SMCO2: variants seen among roughly 807,000 people sequenced by gnomAD.
The protein encoded by SMCO2 is single-pass membrane protein with coiled-coil domains 2.
In SMCO2, 25 loss-of-function variants were observed where a neutral mutation model predicts 29.5. The ratio of observed to expected loss-of-function variants is 0.85; its 90% confidence interval spans 0.62 to 1.18. The LOEUF is 1.18. SMCO2 is among the 50% of genes most tolerant of loss of function. The pLI is 0.00. For synonymous variants in SMCO2, 117 were observed against 123.3 expected (o/e 0.95, Z 0.34); for missense variants, 348 against 344.5 (o/e 1.01, Z -0.08).
In SMCO2 at chr12:27,470,774, G is replaced by T; in HGVS notation, c.134+9G>T. The T allele has an allele frequency of 6.5e-7, 1 of 1,549,620 alleles. No homozygotes were observed. On this transcript the variant is annotated intron_variant, in intron 2 of 7. Coordinates refer to ENST00000298876, the Ensembl canonical transcript of SMCO2. ...GAAGGTGCAATGCAGGAGTAAGTCA[G>T]AACTGAGCTTGCAGAAGCAGTTTCT... is the stretch of plus-strand genomic sequence containing the variant.
the SMCO2 span, among the ~76,000 whole-genome samples, chr12:27,436,632 A>T: frequency 6.6e-6 from 1 of 152,350 alleles, no homozygotes; most frequent in East Asian, 1.9e-4. Context: ...TTGACTCTGT[A>T]TGAATTTAAA....
chr12:27,462,312 C>T (rs1232897640), upstream of SMCO2, among the ~76,000 whole-genome samples: 4 of 152,138 alleles, frequency 2.6e-5, no homozygotes, highest in Non-Finnish European at 5.9e-5. Flanking sequence ...TAGGAAATGA[C>T]ACAGTTTCTC....
the SMCO2 span, among the ~76,000 whole-genome samples, chr12:27,460,921 C>A: frequency 1.4e-4 from 22 of 152,308 alleles, no homozygotes; most frequent in Admixed American, 6.5e-4. Flanking sequence ...AAGGAAGACA[C>A]GGTTTCTGTG....
chr12:27,500,495 C>T (rs549646408), intron 7 of SMCO2, among the ~76,000 whole-genome samples: 2 of 125,448 alleles, frequency 1.6e-5, no homozygotes, highest in Non-Finnish European at 3.3e-5. Context: ...TCCAAATTAT[C>T]TTTGCTTTAG....
chr12:27,488,607 C>A, intron 5 of SMCO2, 60 bp downstream of exon 6: 1 of 1,263,270 alleles, frequency 7.9e-7, no homozygotes, highest in Non-Finnish European at 1.1e-6. Context: ...TCTTTCCCTA[C>A]TACCTTTCTA....
At chr12:27,424,698 G>A in the SMCO2 span, 1 of 152,178 alleles carries the variant, frequency 6.6e-6, no homozygotes, top group Non-Finnish European at 1.5e-5. Context: ...TCATCACTGA[G>A]CCCTGGAATT....
At chr12:27,485,335 C>T (rs1193067209) in intron 4 of SMCO2, among the ~76,000 whole-genome samples, 1 of 151,848 alleles carries the variant, frequency 6.6e-6, no homozygotes, top group Non-Finnish European at 1.5e-5. Context: ...TAAATGTACT[C>T]ATGTTTTTCT....
chr12:27,460,986 T>G, the SMCO2 span, among the ~76,000 whole-genome samples: 1 of 152,216 alleles, frequency 6.6e-6, no homozygotes, highest in African/African-American at 2.4e-5. Flanking sequence ...ACTAGCTCCC[T>G]TCTGCCAGTG....
chr12:27,484,707 G>T (rs1317655365), intron 4 of SMCO2, among the ~76,000 whole-genome samples: 1 of 151,638 alleles, frequency 6.6e-6, no homozygotes, highest in Non-Finnish European at 1.5e-5. Flanking sequence ...ACAAAAATTA[G>T]CTGGGTGTGG....
chr12:27,459,131 G>C, the SMCO2 span, among the ~76,000 whole-genome samples: 1,122 of 147,586 alleles, frequency 7.6e-3, 14 homozygotes, highest in African/African-American at 0.027. Flanking sequence ...AGCTTGAAGT[G>C]AGCCAAGATC....
intron 6 of SMCO2, 43 bp downstream of exon 7, chr12:27,494,399 T>TAAATAC: frequency 7.1e-7 from 1 of 1,411,116 alleles, no homozygotes; most frequent in Non-Finnish European, 9.6e-7. Context: ...TAAAATCAGA[T>TAAATAC]AATTTATGTC....
At chr12:27,501,415 C>CAAAAAAA (rs540673188) in intron 7 of SMCO2, among the ~76,000 whole-genome samples, 9 of 85,870 alleles carry the variant, frequency 1.0e-4, no homozygotes, top group East Asian at 3.4e-4. Context: ...GACTCCGTCT[C>CAAAAAAA]AAAAAAAAAA....
the SMCO2 span, among the ~76,000 whole-genome samples, chr12:27,442,575 G>C: frequency 6.6e-6 from 1 of 152,278 alleles, no homozygotes; most frequent in South Asian, 2.1e-4. Flanking sequence ...AAGCCTAGGA[G>C]TTGATGACTT....
chr12:27,493,024 C>A (rs1942947514), intron 5 of SMCO2, among the ~76,000 whole-genome samples: 1 of 152,216 alleles, frequency 6.6e-6, no homozygotes, highest in South Asian at 2.1e-4. Flanking sequence ...GAGATCATGT[C>A]TTTTGTGGGA....
the SMCO2 span, among the ~76,000 whole-genome samples, chr12:27,454,276 G>A: frequency 2.0e-5 from 3 of 152,190 alleles, no homozygotes; most frequent in Non-Finnish European, 4.4e-5. Flanking sequence ...GAGCCACCAT[G>A]CCTGGCCCTC....
the SMCO2 span, among the ~76,000 whole-genome samples, chr12:27,429,209 AAAAG>A: frequency 2.0e-5 from 3 of 152,090 alleles, no homozygotes; most frequent in Non-Finnish European, 2.9e-5. Context: ...TTCTGTTTGT[AAAAG>A]AACTTTACAT....
chr12:27,423,864 C>T, the SMCO2 span: 1 of 152,124 alleles, frequency 6.6e-6, no homozygotes, highest in Admixed American at 6.5e-5. Context: ...TAGGGTGGAA[C>T]CTAGAACTGT....
At chr12:27,486,159 A>ACTTGTTTTTTTAG (rs1018678631) in intron 4 of SMCO2, among the ~76,000 whole-genome samples, 1 of 152,124 alleles carries the variant, frequency 6.6e-6, no homozygotes, top group Admixed American at 6.6e-5. Flanking sequence ...TAGTTTTATC[A>ACTTGTTTTTTTAG]CACCTGTGTG....
chr12:27,468,548 G>A (rs1164015276), intron 1 of SMCO2, among the ~76,000 whole-genome samples: 1 of 152,210 alleles, frequency 6.6e-6, no homozygotes, highest in East Asian at 1.9e-4. Context: ...ATGTGTGGCT[G>A]TAAATTCAGT....
Sources: gnomAD v4.1 joint callset for allele counts (sites outside exome capture counted in the v4.1 genomes callset) on GRCh38, gnomAD v4.1.1 for gene constraint, MANE v1.5 for transcripts, NCBI Gene and HGNC (gene_info 2026-07-23, HGNC 2026-07-21) for gene names.